Variants in ARHGAP12 observed in about 807,000 individuals in gnomAD.
ARHGAP12 encodes the protein rho GTPase-activating protein 12.
Under a neutral mutation model 108.6 loss-of-function variants are expected in ARHGAP12, and 64 were observed. That is an observed-to-expected ratio of 0.59 (90% confidence interval 0.48 to 0.73). ARHGAP12 has a LOEUF of 0.73. Ranked by LOEUF, ARHGAP12 falls within the 30% of genes least tolerant of loss-of-function variation. The probability of loss-of-function intolerance (pLI) is 0.00; values close to 1 mark genes in which losing one functional copy is unlikely to be tolerated. For missense variants in ARHGAP12, 940 were observed against 1,005.9 expected, an observed-to-expected ratio of 0.93 and a Z score of 0.89; for synonymous variants, 312 against 337.2, an observed-to-expected ratio of 0.93 and a Z score of 0.82.
At chr10:31,874,958 C>A (rs530162707) in intron 3 of ARHGAP12, among the ~76,000 whole-genome samples, 2 of 107,188 alleles carry the variant, frequency 1.9e-5, no homozygotes, top group East Asian at 3.2e-4. Flanking sequence ...TGGGTGACAA[C>A]GCAAGACTCT....
chr10:31,805,663 C>CAT lies in ARHGAP12; in HGVS notation c.*1994_*1995insAT, dbSNP rs1834797259. On this transcript the variant is annotated 3_prime_UTR_variant, in exon 20 of 20. Coordinates refer to ENST00000344936, the MANE Select transcript of ARHGAP12 (RefSeq NM_018287.7). ...ATTTAAGACTTCACACACACACACA[C>CAT]ACACACACACACACACACACACGTA... is the stretch of plus-strand genomic sequence containing the variant. 6.6e-6 allele frequency: 1 copy of CAT among 151,418 alleles called. No individual in the cohort carries two copies. Among genetic ancestry groups the CAT allele is most frequent in the Non-Finnish European group, 1.5e-5 (1 of 67,928 alleles). The allele number at this position is 151,418 out of a possible 1,614,324, so 9.4% of individuals were successfully genotyped here.
At chr10:31,924,838 A>T (rs1363379185) in intron 1 of ARHGAP12, among the ~76,000 whole-genome samples, 1 of 152,162 alleles carries the variant, frequency 6.6e-6, no homozygotes, top group Non-Finnish European at 1.5e-5. Flanking sequence ...CTGTAAAACA[A>T]AGCAAACAAT....
At chr10:31,911,658 T>C (rs1405170977) in intron 1 of ARHGAP12, among the ~76,000 whole-genome samples, 5 of 152,178 alleles carry the variant, frequency 3.3e-5, no homozygotes, top group African/African-American at 4.8e-5. Flanking sequence ...TGGAAAGATG[T>C]GGTGGCATAA....
intron 1 of ARHGAP12, among the ~76,000 whole-genome samples, chr10:31,924,258 T>C (rs1738462976): frequency 6.6e-6 from 1 of 152,184 alleles, no homozygotes; most frequent in South Asian, 2.1e-4. Context: ...ACATGAACAT[T>C]CATAATGGCC....
At chr10:31,817,652 G>A (rs1160792655) in intron 13 of ARHGAP12, 136 bp downstream of exon 13, 1 of 540,078 alleles carries the variant, frequency 1.9e-6, no homozygotes, top group Non-Finnish European at 3.2e-6. Flanking sequence ...ATTGACCATT[G>A]TTTTTTCCAT....
intron 3 of ARHGAP12, among the ~76,000 whole-genome samples, chr10:31,868,759 C>T (rs183245212): frequency 1.3e-4 from 19 of 151,946 alleles, no homozygotes; most frequent in Middle Eastern, 3.4e-3. Flanking sequence ...AACACCGAGA[C>T]CCTGTCTCTA....
chr10:31,928,450 G>A (rs1280345422), intron 1 of ARHGAP12, among the ~76,000 whole-genome samples: 1 of 151,342 alleles, frequency 6.6e-6, no homozygotes, highest in Non-Finnish European at 1.5e-5. Flanking sequence ...AATAGGCTGC[G>A]CCGGCCCCCT....
Position 31,839,623 on chromosome 10 carries a change from T to G in ARHGAP12, c.1371+14A>C, listed in dbSNP as rs771115703. On this transcript the variant is annotated intron_variant, in intron 8 of 19. Transcript: ENST00000344936. ...ACTGGACTACATTATAAGATATGCTTCTATCATACTAACTGTATCTTGGTG... is the reference window on the plus strand; with the variant it reads ...ACTGGACTACATTATAAGATATGCTGCTATCATACTAACTGTATCTTGGTG... 1.9e-6 allele frequency: 3 copies of G among 1,584,816 alleles called. No homozygotes were observed. The highest frequency in any genetic ancestry group is 1.7e-5 in the Admixed American group (1 of 59,136).
chr10:31,821,668 ATCT>A (rs1019875868), intron 11 of ARHGAP12, among the ~76,000 whole-genome samples: 6 of 152,196 alleles, frequency 3.9e-5, no homozygotes, highest in African/African-American at 1.4e-4. Context: ...TCCCGTTTAC[ATCT>A]TTTTAGCTAT....
chr10:31,851,271 A>T (rs2132278637), intron 6 of ARHGAP12, among the ~76,000 whole-genome samples: 1 of 152,324 alleles, frequency 6.6e-6, no homozygotes, highest in Non-Finnish European at 1.5e-5. Context: ...TGTTGAGCTG[A>T]GCAAACAGAA....
At chr10:31,849,558 G>A (rs1030704604) in intron 6 of ARHGAP12, among the ~76,000 whole-genome samples, 1 of 152,194 alleles carries the variant, frequency 6.6e-6, no homozygotes, top group Non-Finnish European at 1.5e-5. Flanking sequence ...GCTTAAGAGT[G>A]CAGAATGTAA....
At chr10:31,888,139 C>G (rs932005253) in intron 3 of ARHGAP12, among the ~76,000 whole-genome samples, 59 of 152,214 alleles carry the variant, frequency 3.9e-4, no homozygotes, top group African/African-American at 1.4e-3. Flanking sequence ...GTGGGAAGAC[C>G]TAGAGACCCA....
chr10:31,852,499 G>A lies in ARHGAP12; in HGVS notation c.1170+18C>T, dbSNP rs368760440. 123 of 1,553,684 alleles carry A rather than the reference G, an allele frequency of 7.9e-5. No homozygotes were observed. In the African/African-American group the frequency reaches 9.2e-4, roughly 12 times the overall value. ...ATCTACTATTTTTAAATAGAAATTC[G>A]GTGTCAAGGTTTATTACCTTTGGCA... On this transcript the variant is annotated intron_variant, in intron 6 of 19. Transcript: ENST00000344936.
chr10:31,916,210 C>G (rs1839549709), intron 1 of ARHGAP12, among the ~76,000 whole-genome samples: 1 of 152,202 alleles, frequency 6.6e-6, no homozygotes, highest in Admixed American at 6.5e-5. Flanking sequence ...CCAGTATATA[C>G]AAGGTCTGCA....
At chr10:31,908,151 T>C (rs1179073087) in intron 3 of ARHGAP12, 21 bp downstream of exon 3, 3 of 1,538,980 alleles carry the variant, frequency 1.9e-6, no homozygotes, top group Non-Finnish European at 8.7e-7. Context: ...CAGTGTTTCC[T>C]CATTCTATTT....
chr10:31,919,530 C>T (rs1447294991), intron 1 of ARHGAP12, among the ~76,000 whole-genome samples: 2 of 152,166 alleles, frequency 1.3e-5, no homozygotes, highest in Non-Finnish European at 2.9e-5. Flanking sequence ...CGGTGGCTCA[C>T]GCCTGTAATC....
At chr10:31,812,862 TAA>T in intron 14 of ARHGAP12, 39 bp from the exon 15 acceptor site, 2 of 1,271,608 alleles carry the variant, frequency 1.6e-6, no homozygotes, top group Non-Finnish European at 2.2e-6. Flanking sequence ...TTTGTAAAAA[TAA>T]AGTTTTTTTG....
At chr10:31,827,802 A>G (rs1242389287) in intron 10 of ARHGAP12, among the ~76,000 whole-genome samples, 1 of 151,700 alleles carries the variant, frequency 6.6e-6, no homozygotes, top group Non-Finnish European at 1.5e-5. Context: ...CAGAAAAAAA[A>G]ACAAAAACAA....
In ARHGAP12 at chr10:31,854,207, C is replaced by G. The variant is rs767639890; in HGVS notation, c.949-1G>C. The G allele has an allele frequency of 1.1e-5, 18 of 1,599,016 alleles. No homozygotes were observed. The highest frequency in any genetic ancestry group is 1.4e-5 in the Non-Finnish European group (17 of 1,176,070). On this transcript the variant is annotated splice_acceptor_variant, in intron 4 of 19. Transcript: ENST00000344936. LOFTEE classifies it high-confidence loss of function. ...AGTAGTTTTCTTCCGATGAAAGAAG[C>G]TACAAATAGTCAGAAACATAAGGAT...
Sources: allele counts gnomAD v4.1 joint callset (sites outside exome capture counted in the v4.1 genomes callset), GRCh38; gene constraint gnomAD v4.1.1; transcripts MANE v1.5; gene names NCBI Gene and HGNC (gene_info 2026-07-23, HGNC 2026-07-21).